Variants in RYR2 observed in about 807,000 individuals in gnomAD.
The protein encoded by RYR2 is cardiac muscle ryanodine receptor-calcium release channel.
RYR2 carries 227 observed loss-of-function variants against 601.1 expected under a neutral mutation model. The ratio of observed to expected loss-of-function variants is 0.38; its 90% confidence interval spans 0.34 to 0.42. The LOEUF (loss-of-function observed/expected upper bound fraction) is 0.42. Ranked by LOEUF, RYR2 falls within the 10% of genes least tolerant of loss-of-function variation. The probability of loss-of-function intolerance (pLI) is 1.00; values close to 1 mark genes in which losing one functional copy is unlikely to be tolerated. For synonymous variants in RYR2, 2,223 were observed against 2,175.1 expected, an observed-to-expected ratio of 1.02 and a Z score of -0.61; for missense variants, 4,646 against 6,156.5, an observed-to-expected ratio of 0.75 and a Z score of 8.21.
intron 16 of RYR2, among the ~76,000 whole-genome samples, chr1:237,459,633 C>T (rs1455616174): frequency 6.6e-6 from 1 of 152,096 alleles, no homozygotes; most frequent in Non-Finnish European, 1.5e-5. Context: ...ATAGAAAAGG[C>T]CCATTGCAGC....
chr1:237,401,303 C>A (rs1703325041), intron 10 of RYR2, among the ~76,000 whole-genome samples: 1 of 152,166 alleles, frequency 6.6e-6, no homozygotes, highest in Non-Finnish European at 1.5e-5. Context: ...GCACAGACTG[C>A]ACAAGTTATG....
rs535880318 is a variant in RYR2 at position 237,241,864 on chromosome 1, G to A, written c.49-28633G>A. Among the ~76,000 whole-genome samples the A allele has an allele frequency of 7.2e-5, 11 of 152,236 alleles. No homozygotes were observed. The East Asian group carries it at 1.7e-3, about 24-fold the overall frequency. On this transcript the variant is annotated intron_variant, in intron 1 of 104. Transcript: ENST00000366574. ...TAGCATGCTGATGCATTGTAACTAC[G>A]TATAATGAGTAGTGAGGATGAACAG... is the stretch of plus-strand genomic sequence containing the variant.
At chr1:237,746,868 T>C (rs1406481987) in intron 80 of RYR2, among the ~76,000 whole-genome samples, 2 of 152,120 alleles carry the variant, frequency 1.3e-5, no homozygotes, top group Non-Finnish European at 1.5e-5. Flanking sequence ...TAATAATAAA[T>C]AATAATGTTT....
chr1:237,565,163 CTTTCTTTCTT>C (rs1559035499), intron 27 of RYR2, among the ~76,000 whole-genome samples: 13,972 of 83,710 alleles, frequency 0.17, 1,505 homozygotes, highest in Middle Eastern at 0.22. Context: ...CTTTCTCTTT[CTTTCTTTCTT>C]TCTTTCTTTC....
At chr1:237,131,386 A>G (rs1672156687) in intron 1 of RYR2, among the ~76,000 whole-genome samples, 1 of 152,198 alleles carries the variant, frequency 6.6e-6, no homozygotes, top group Non-Finnish European at 1.5e-5. Flanking sequence ...ACATCATGAG[A>G]TAAACAAAAG....
chr1:237,535,752 T>C (rs1232115763), intron 25 of RYR2, among the ~76,000 whole-genome samples: 1 of 152,206 alleles, frequency 6.6e-6, no homozygotes, highest in Non-Finnish European at 1.5e-5. Flanking sequence ...ATGACCAAGC[T>C]GAGTTTATCC....
rs1267153322 is a variant in RYR2, at chr1:237,106,495, G to A, written c.48+63926G>A. Among the ~76,000 whole-genome samples, 3 of 152,226 alleles carry A rather than the reference G, an allele frequency of 2.0e-5. No homozygotes were observed. The highest frequency in any genetic ancestry group is 6.5e-5 in the Admixed American group (1 of 15,288). On this transcript the variant is annotated intron_variant, in intron 1 of 104. Transcript: ENST00000366574. The surrounding 1 kb of genome is among the most constrained non-coding windows in gnomAD (Gnocchi z 4.4). ...ATGATGTTTCACCAGCTAAGATGGA[G>A]CGGTCCTGGAAAGAGTGAAGATCAA...
chr1:237,638,833 C>T (rs1573270180), intron 45 of RYR2, among the ~76,000 whole-genome samples, 182 bp from the exon 46 acceptor site: 2 of 152,242 alleles, frequency 1.3e-5, no homozygotes, highest in South Asian at 2.1e-4. Flanking sequence ...ATTTTTAATG[C>T]AAGCAAAATT....
chr1:237,470,759 A>G (rs1357553041), intron 17 of RYR2, among the ~76,000 whole-genome samples: 2 of 152,176 alleles, frequency 1.3e-5, no homozygotes, highest in Non-Finnish European at 2.9e-5. Context: ...AATTAAGGAC[A>G]TGGACACACA....
At chr1:237,725,555 T>A (rs2819774) in intron 74 of RYR2, among the ~76,000 whole-genome samples, 82,254 of 151,938 alleles carry the variant, frequency 0.54, 24,781 homozygotes, top group Non-Finnish European at 0.68. Flanking sequence ...GTTATCTCCA[T>A]TGAATTTTCT....
intron 46 of RYR2, among the ~76,000 whole-genome samples, 166 bp downstream of exon 46, chr1:237,639,367 C>A (rs1413360857): frequency 6.6e-6 from 1 of 152,100 alleles, no homozygotes; most frequent in Non-Finnish European, 1.5e-5. Context: ...GAATTTGGTG[C>A]TGGAATAGGT....
chr1:237,446,997 T>G (rs1175728890), intron 14 of RYR2, among the ~76,000 whole-genome samples: 1 of 152,164 alleles, frequency 6.6e-6, no homozygotes, highest in African/African-American at 2.4e-5. Context: ...TCCCACTAGT[T>G]TTTCTTTACT....
chr1:237,282,188 A>AT (rs11413100), intron 2 of RYR2, among the ~76,000 whole-genome samples: 56,515 of 145,190 alleles, frequency 0.39, 11,587 homozygotes, highest in East Asian at 0.58. Context: ...AAGTTGGCGC[A>AT]TTTTTTTTTT....
chr1:237,142,533 G>A (rs1673501248), intron 1 of RYR2, among the ~76,000 whole-genome samples: 2 of 152,294 alleles, frequency 1.3e-5, no homozygotes, highest in South Asian at 4.1e-4. Flanking sequence ...GTACCACAGG[G>A]CATGGAGGAA....
chr1:237,240,961 C>A (rs78786832), intron 1 of RYR2, among the ~76,000 whole-genome samples: 2,754 of 152,230 alleles, frequency 0.018, 84 homozygotes, highest in African/African-American at 0.062. Context: ...AGAACATTCA[C>A]AGGTAACATT....
chr1:237,263,545 C>T (rs12025027), intron 1 of RYR2, among the ~76,000 whole-genome samples: 26,932 of 152,098 alleles, frequency 0.18, 2,923 homozygotes, highest in East Asian at 0.55. Flanking sequence ...TAAATATCAA[C>T]CAGGAAACTG....
At chr1:237,436,257 A>G (rs1446448467) in intron 12 of RYR2, among the ~76,000 whole-genome samples, 1 of 132,780 alleles carries the variant, frequency 7.5e-6, no homozygotes, top group African/African-American at 2.7e-5. Context: ...GGTCCCACGC[A>G]CACTCTAGGG....
Position 237,214,604 on chromosome 1 carries a change from T to A in RYR2, c.49-55893T>A, listed in dbSNP as rs190665768. Among the ~76,000 whole-genome samples, 433 of 152,286 alleles carry A rather than the reference T, an allele frequency of 2.8e-3. 3 individuals carry two copies. The highest frequency in any genetic ancestry group is 2.7e-3 in the Non-Finnish European group (182 of 68,016). On this transcript the variant is annotated intron_variant, in intron 1 of 104. Transcript: ENST00000366574. The stretch of plus-strand genomic sequence containing the variant: ...TATGTTCCAAACACTTCCTACCGGG[T>A]TCCACCTCTGACATTGGGGATCACA...
At chr1:237,603,461 G>A (rs934838483) in intron 35 of RYR2, among the ~76,000 whole-genome samples, 2 of 152,086 alleles carry the variant, frequency 1.3e-5, no homozygotes, top group South Asian at 2.1e-4. Flanking sequence ...CCAAGTGCCC[G>A]GCCACATGCA....
Sources: gnomAD v4.1 joint callset for allele counts (sites outside exome capture counted in the v4.1 genomes callset) on GRCh38, gnomAD v4.1.1 for gene constraint, Gnocchi (gnomAD v3.1) non-coding constraint, MANE v1.5 for transcripts, NCBI Gene and HGNC (gene_info 2026-07-23, HGNC 2026-07-21) for gene names.